Variants in LHFPL3 observed in about 807,000 individuals in gnomAD.
LHFPL3 encodes the protein LHFPL tetraspan subfamily member 3 protein.
Under a neutral mutation model 19.3 loss-of-function variants are expected in LHFPL3, and 5 were observed. The observed-to-expected ratio is 0.26, with a 90% confidence interval of 0.14 to 0.54. LHFPL3 has a LOEUF of 0.54. LHFPL3 is among the 20% of genes least tolerant of loss of function. LHFPL3 has a pLI of 0.94. For missense variants in LHFPL3, 249 were observed against 307.4 expected, an observed-to-expected ratio of 0.81 and a Z score of 1.42; for synonymous variants, 133 against 126.2, an observed-to-expected ratio of 1.05 and a Z score of -0.36.
intron 1 of LHFPL3, among the ~76,000 whole-genome samples, chr7:104,599,707 A>C (rs963408054): frequency 6.6e-6 from 1 of 152,222 alleles, no homozygotes; most frequent in African/African-American, 2.4e-5. Context: ...GATATATGCC[A>C]GGTATTAGGG....
intron 1 of LHFPL3, among the ~76,000 whole-genome samples, chr7:104,621,594 T>C (rs17139257): frequency 0.14 from 20,589 of 152,142 alleles, 1,452 homozygotes; most frequent in Non-Finnish European, 0.15. Context: ...CTCCAGGGAG[T>C]TGACAGATCG....
intron 1 of LHFPL3, among the ~76,000 whole-genome samples, chr7:104,350,866 C>A (rs934163928): frequency 1.1e-4 from 17 of 151,960 alleles, no homozygotes; most frequent in African/African-American, 4.1e-4. Context: ...ATGGTGAAAC[C>A]CCGTCTATAC....
At chr7:104,518,850 A>AGAAAG (rs748597414) in intron 1 of LHFPL3, among the ~76,000 whole-genome samples, 4,938 of 140,064 alleles carry the variant, frequency 0.035, 201 homozygotes, top group African/African-American at 0.096. Context: ...TAGATAGAAT[A>AGAAAG]AATAAAAAAA....
intron 1 of LHFPL3, among the ~76,000 whole-genome samples, chr7:104,426,501 C>T (rs540882418): frequency 6.6e-6 from 1 of 152,178 alleles, no homozygotes; most frequent in South Asian, 2.1e-4. Flanking sequence ...GGTGATCTGC[C>T]CACCTTGGCC....
At chr7:104,735,679 C>T (rs918034825) in intron 1 of LHFPL3, among the ~76,000 whole-genome samples, 2 of 152,264 alleles carry the variant, frequency 1.3e-5, no homozygotes, top group African/African-American at 4.8e-5. Flanking sequence ...TGAGGCAATG[C>T]ATCGCCCTGC....
chr7:104,383,449 G>C (rs1316564763), intron 1 of LHFPL3, among the ~76,000 whole-genome samples: 1 of 152,208 alleles, frequency 6.6e-6, no homozygotes, highest in Admixed American at 6.5e-5. Context: ...CCTTTAACCA[G>C]ATATGCAAAC....
chr7:104,821,947 C>A (rs1476607700), intron 2 of LHFPL3, among the ~76,000 whole-genome samples: 2 of 152,182 alleles, frequency 1.3e-5, no homozygotes, highest in Non-Finnish European at 2.9e-5. Flanking sequence ...GAGATAATAA[C>A]AGGCCGCATA....
chr7:104,695,242 C>A (rs1248756146), intron 1 of LHFPL3, among the ~76,000 whole-genome samples: 3 of 152,184 alleles, frequency 2.0e-5, no homozygotes. Flanking sequence ...GCTGCAATTA[C>A]AGGCATGAGA....
At chr7:104,681,744 A>G (rs1200220596) in intron 1 of LHFPL3, among the ~76,000 whole-genome samples, 1 of 152,236 alleles carries the variant, frequency 6.6e-6, no homozygotes, top group Non-Finnish European at 1.5e-5. Flanking sequence ...TAACTTGCCT[A>G]AATCACATAG....
chr7:104,595,795 C>A (rs529727947), intron 1 of LHFPL3, among the ~76,000 whole-genome samples: 2 of 152,380 alleles, frequency 1.3e-5, no homozygotes, highest in South Asian at 4.1e-4. Flanking sequence ...AGCCAGGCTG[C>A]CATCTCGCAG....
chr7:104,830,711 T>G (rs1312911355), intron 2 of LHFPL3, among the ~76,000 whole-genome samples: 1 of 151,928 alleles, frequency 6.6e-6, no homozygotes, highest in Non-Finnish European at 1.5e-5. Flanking sequence ...TTGGTACCAG[T>G]ACCATGCTGT....
rs1247165452 is a variant in LHFPL3 at position 104,791,972 on chromosome 7, C to T, written c.682+55061C>T. Among the ~76,000 whole-genome samples, 4 of 152,134 alleles carry T rather than the reference C, an allele frequency of 2.6e-5. No individual in the cohort carries two copies. The East Asian group carries it at 5.8e-4, about 22-fold the overall frequency. ...CTGAGAGTTTGCCTGAAGGAGCTTC[C>T]CTACTCCCAGTCTCTCCATAAGGTT... On this transcript the variant is annotated intron_variant, in intron 2 of 2. Transcript: ENST00000424859.
At chr7:104,905,105 C>A (rs979212281) in intron 2 of LHFPL3, among the ~76,000 whole-genome samples, 1 of 151,882 alleles carries the variant, frequency 6.6e-6, no homozygotes, top group East Asian at 1.9e-4. Context: ...ACAGGCGCAC[C>A]ACCACACTCG....
rs555622923 is a variant in LHFPL3, at chr7:104,630,864, C to T, written c.446-105811C>T. Among the ~76,000 whole-genome samples the T allele has an allele frequency of 1.8e-4, 28 of 152,216 alleles. 1 individual carries two copies. Among genetic ancestry groups the T allele is most frequent in the Admixed American group, 1.6e-3 (25 of 15,284 alleles). ...TAAGAAACAACCACTACCCTTAGGG[C>T]TCAGTTTGAGTGTCCAAGGAAGAGC... On this transcript the variant is annotated intron_variant, in intron 1 of 2. Transcript: ENST00000424859.
chr7:104,479,828 T>C (rs958680775), intron 1 of LHFPL3, among the ~76,000 whole-genome samples: 2 of 152,226 alleles, frequency 1.3e-5, no homozygotes, highest in Non-Finnish European at 2.9e-5. Context: ...AACCTCATAG[T>C]GGTACTTACT....
chr7:104,668,203 G>A (rs1246916496), intron 1 of LHFPL3: 3 of 1,613,540 alleles, frequency 1.9e-6, no homozygotes, highest in South Asian at 1.1e-5. Flanking sequence ...TCCCTGCTCA[G>A]TGCCCTGAGT....
intron 2 of LHFPL3, among the ~76,000 whole-genome samples, chr7:104,877,425 T>A (rs1198452730): frequency 6.6e-6 from 1 of 152,020 alleles, no homozygotes; most frequent in Non-Finnish European, 1.5e-5. Context: ...AAAGGACAAA[T>A]GACCCAATTA....
chr7:104,848,068 T>C, intron 2 of LHFPL3, among the ~76,000 whole-genome samples: 1 of 152,246 alleles, frequency 6.6e-6, no homozygotes, highest in South Asian at 2.1e-4. Flanking sequence ...GCTGGACAAA[T>C]AGCACCACAA....
intron 1 of LHFPL3, among the ~76,000 whole-genome samples, chr7:104,558,278 A>G: frequency 6.7e-6 from 1 of 148,898 alleles, no homozygotes; most frequent in East Asian, 2.0e-4. Flanking sequence ...TGGTTGAACT[A>G]GTTTACAGTC....
Sources: gnomAD v4.1 joint callset for allele counts (sites outside exome capture counted in the v4.1 genomes callset) on GRCh38, gnomAD v4.1.1 for gene constraint, MANE v1.5 for transcripts, NCBI Gene and HGNC (gene_info 2026-07-23, HGNC 2026-07-21) for gene names.